Variants in BAG3 observed in about 807,000 individuals in gnomAD.
The protein encoded by BAG3 is BAG family molecular chaperone regulator 3.
Under a neutral mutation model 40.5 loss-of-function variants are expected in BAG3, and 14 were observed. That is an observed-to-expected ratio of 0.35 (90% CI 0.23 to 0.54). The LOEUF (loss-of-function observed/expected upper bound fraction) is 0.54, where lower values mean the gene tolerates loss of function less well. BAG3 is among the 20% of genes least tolerant of loss of function. The pLI, the probability that BAG3 is intolerant of heterozygous loss-of-function variation, is 0.91. For missense variants in BAG3, 788 were observed against 758.6 expected (o/e 1.04, Z -0.46); for synonymous variants, 302 against 307.8 (o/e 0.98, Z 0.20).
chr10:119,660,833 G>T (rs1397534246), intron 1 of BAG3, among the ~76,000 whole-genome samples: 1 of 148,096 alleles, frequency 6.8e-6, no homozygotes, highest in Non-Finnish European at 1.5e-5. Flanking sequence ...GTGGCTCACG[G>T]CTGTCATCCC....
chr10:119,652,609 G>C (rs1003375703), intron 1 of BAG3, among the ~76,000 whole-genome samples: 1 of 152,164 alleles, frequency 6.6e-6, no homozygotes, highest in Non-Finnish European at 1.5e-5. Flanking sequence ...CTTACAGTTG[G>C]CCATTGCCTT....
chr10:119,675,519 T>C (rs933906004), intron 3 of BAG3, among the ~76,000 whole-genome samples: 2 of 152,076 alleles, frequency 1.3e-5, no homozygotes, highest in African/African-American at 4.8e-5. Flanking sequence ...AATACATTGG[T>C]CTGGGCAGAA....
rs1470088368 is a variant in BAG3 at position 119,670,236 on chromosome 10, C to T, written c.507+59C>T. 1.7e-5 allele frequency: 27 copies of T among 1,543,210 alleles called. No homozygotes were observed. In the East Asian group the frequency reaches 2.5e-4, roughly 14 times the overall value. ...GAGCAAGCCGCTGTGCTTCCCAGGC[C>T]GGGCCCATCCCCTCAGGACAGTGCC... On this transcript the variant is annotated intron_variant, in intron 2 of 3. Transcript: ENST00000369085.
At chr10:119,665,132 A>G (rs142896528) in intron 1 of BAG3, among the ~76,000 whole-genome samples, 11,405 of 52,726 alleles carry the variant, frequency 0.22, 902 homozygotes, top group Non-Finnish European at 0.26. Flanking sequence ...GTGTGTATAT[A>G]TATATATATA....
chr10:119,651,665 C>T lies in BAG3; in HGVS notation c.-11C>T. 1 of 1,571,334 alleles carries T rather than the reference C, an allele frequency of 6.4e-7. No individual in the cohort carries two copies. The highest frequency in any genetic ancestry group is 8.6e-7 in the Non-Finnish European group (1 of 1,160,258). On this transcript the variant is annotated 5_prime_UTR_variant, in exon 1 of 4. Transcript: ENST00000369085. ...CGCACCCGCGCCCCAGCGGGCAGACCCCAACCCAGCATGAGCGCCGCCACC... is the reference window on the plus strand; with the variant it reads ...CGCACCCGCGCCCCAGCGGGCAGACTCCAACCCAGCATGAGCGCCGCCACC...
At position 119,677,191 on chromosome 10, in the gene BAG3, A is replaced by T. The variant is rs1334550097; in HGVS notation, c.1637A>T (p.His546Leu). The T allele has an allele frequency of 1.9e-6, 3 of 1,614,020 alleles. No homozygotes were observed. In the Admixed American group the frequency reaches 5.0e-5, roughly 27 times the overall value. The change falls in exon 4 of 4, where the codon CAC (histidine) becomes CTC (leucine). Residue 546 changes from histidine (H) to leucine (L), a missense_variant. By Grantham distance (99) the His-to-Leu change is moderately conservative (BLOSUM62 -3). Coordinates refer to ENST00000369085, the MANE Select transcript of BAG3 (RefSeq NM_004281.4). ...KKNAGNAEDP[H>L]TETQQPEATA... ...AATGCTGGAAATGCAGAAGATCCCC[A>T]CACAGAAACCCAGCAGCCAGAAGCC...
chr10:119,676,455 T>C lies in BAG3; in HGVS notation c.910-9T>C, dbSNP rs534373918. On this transcript the variant is annotated splice_polypyrimidine_tract_variant and intron_variant, in intron 3 of 3. Transcript: ENST00000369085. Reference sequence around the variant, plus strand: ...TTATTAAAAATATATTTTTGTGTCCTTTTTTCAGCAGCCCATGACCCATCG... The same window carrying C: ...TTATTAAAAATATATTTTTGTGTCCCTTTTTCAGCAGCCCATGACCCATCG... 1 of 1,613,064 alleles carries C rather than the reference T, an allele frequency of 6.2e-7. No homozygotes were observed. Among genetic ancestry groups the C allele is most frequent in the East Asian group, 2.2e-5 (1 of 44,884 alleles).
intron 1 of BAG3, among the ~76,000 whole-genome samples, chr10:119,655,021 T>C (rs1371779630): frequency 6.6e-6 from 1 of 152,170 alleles, no homozygotes; most frequent in East Asian, 1.9e-4. Context: ...CAGAAAACTA[T>C]TAAGTCCAGA....
At chr10:119,673,278 G>A (rs182501434) in intron 3 of BAG3, among the ~76,000 whole-genome samples, 3 of 152,232 alleles carry the variant, frequency 2.0e-5, no homozygotes, top group Non-Finnish European at 2.9e-5. Flanking sequence ...GTCATTATTC[G>A]GGGCATTTCA....
intron 1 of BAG3, among the ~76,000 whole-genome samples, chr10:119,660,084 C>T (rs1389830704): frequency 6.6e-6 from 1 of 152,216 alleles, no homozygotes; most frequent in African/African-American, 2.4e-5. Flanking sequence ...CTCAGGTGCC[C>T]CCAGCAGGGG....
Position 119,672,581 on chromosome 10 carries a change from C to G in BAG3, c.834C>G (p.Gly278=), listed in dbSNP as rs2134065380. ...SSVQGASSRE[G]SPARSSTPLH... is the part of the protein sequence containing the mutation. ...TCCAGGGTGCATCGAGCCGGGAGGG[C>G]TCACCAGCCAGGAGCAGCACGCCAC... Residue 278 remains glycine, a synonymous_variant, in exon 3 of 4, where the codon GGC becomes GGG. Coordinates refer to ENST00000369085, the MANE Select transcript of BAG3 (RefSeq NM_004281.4). The surrounding 1 kb of genome is among the most constrained non-coding windows in gnomAD (Gnocchi z 4.8). 2.5e-6 allele frequency: 4 copies of G among 1,614,096 alleles called. No homozygotes were observed. Among genetic ancestry groups the G allele is most frequent in the Non-Finnish European group, 3.4e-6 (4 of 1,180,002 alleles).
chr10:119,669,020 C>T (rs972866605), intron 1 of BAG3, among the ~76,000 whole-genome samples: 1 of 152,124 alleles, frequency 6.6e-6, no homozygotes, highest in East Asian at 1.9e-4. Context: ...GGATTCTTGC[C>T]GAAGACAGGC....
intron 1 of BAG3, among the ~76,000 whole-genome samples, chr10:119,652,523 T>C (rs962589521): frequency 2.6e-5 from 4 of 152,238 alleles, no homozygotes; most frequent in African/African-American, 9.6e-5. Flanking sequence ...TATCCTAGTA[T>C]GATTTGTAAA....
intron 2 of BAG3, among the ~76,000 whole-genome samples, chr10:119,670,778 G>C (rs917826325): frequency 8.5e-5 from 13 of 152,190 alleles, no homozygotes; most frequent in Non-Finnish European, 1.5e-4. Flanking sequence ...TATGTCAATG[G>C]ATTCTGTGCA....
chr10:119,656,454 C>T (rs1018558435), intron 1 of BAG3, among the ~76,000 whole-genome samples: 21 of 148,124 alleles, frequency 1.4e-4, no homozygotes, highest in African/African-American at 4.8e-4. Flanking sequence ...GATCTTGGCT[C>T]ACTGCAACCT....
In BAG3 at chr10:119,658,266, C is replaced by G. The variant is rs377727863; in HGVS notation, c.180+6411C>G. On this transcript the variant is annotated intron_variant, in intron 1 of 3. Transcript: ENST00000369085. ...CTTCATGTGCAGAAGAAAAGCCAGC[C>G]CCTTCGCTGGCCCACCCTTTCAGGG... 4.9e-4 allele frequency among the ~76,000 whole-genome samples: 74 copies of G among 152,322 alleles called. 1 individual carries two copies. The highest frequency in any genetic ancestry group is 1.7e-3 in the African/African-American group (71 of 41,578).
At chr10:119,658,931 AG>A (rs1416124105) in intron 1 of BAG3, among the ~76,000 whole-genome samples, 1 of 152,144 alleles carries the variant, frequency 6.6e-6, no homozygotes, top group Non-Finnish European at 1.5e-5. Context: ...GTTTGTGGAT[AG>A]GTGTGTGGCC....
At chr10:119,673,832 T>C (rs1237816377) in intron 3 of BAG3, among the ~76,000 whole-genome samples, 1 of 152,268 alleles carries the variant, frequency 6.6e-6, no homozygotes, top group Non-Finnish European at 1.5e-5. Flanking sequence ...TTCTCTCGTA[T>C]ATTATTGATG....
At chr10:119,666,547 T>TGCGCTCAGCGAGATGCATGAG (rs35178735) in intron 1 of BAG3, among the ~76,000 whole-genome samples, 1 of 150,748 alleles carries the variant, frequency 6.6e-6, no homozygotes, top group African/African-American at 2.4e-5. Context: ...AGGCACAAAA[T>TGCGCTCAGCGAGATGCATGAG]GTGCTCAGCG....
Sources: allele counts gnomAD v4.1 joint callset (sites outside exome capture counted in the v4.1 genomes callset), GRCh38; gene constraint gnomAD v4.1.1; non-coding constraint Gnocchi (gnomAD v3.1); transcripts MANE v1.5; gene names NCBI Gene and HGNC (gene_info 2026-07-23, HGNC 2026-07-21).